The following PRKG1 variants were observed in gnomAD, a reference collection of about 807,000 sequenced individuals.
PRKG1 encodes the protein cGMP-dependent protein kinase 1.
Under a neutral mutation model 88.1 loss-of-function variants are expected in PRKG1, and 35 were observed. That is an observed-to-expected ratio of 0.40 (90% CI 0.30 to 0.53). The LOEUF (loss-of-function observed/expected upper bound fraction) is 0.53. Ranked by LOEUF, PRKG1 falls within the 20% of genes least tolerant of loss-of-function variation. PRKG1 has a pLI of 0.59. For missense variants in PRKG1, 540 were observed against 839.8 expected (o/e 0.64, Z 4.41); for synonymous variants, 303 against 292.5 (o/e 1.04, Z -0.37).
At position 51,137,141 on chromosome 10, in the gene PRKG1, T is replaced by C. The variant is rs566243752; in HGVS notation, c.312-16023T>C. On this transcript the variant is annotated intron_variant, in intron 1 of 17. Coordinates refer to ENST00000373980, the MANE Select transcript of PRKG1 (RefSeq NM_006258.4). ...ACCTCCTGATCCGCCTGCCTCGGCCTCCCAAAGTGCTGGGATTACAGGCGT... is the reference window on the plus strand; with the variant it reads ...ACCTCCTGATCCGCCTGCCTCGGCCCCCCAAAGTGCTGGGATTACAGGCGT... Among the ~76,000 whole-genome samples, 405 of 152,152 alleles carry C rather than the reference T, an allele frequency of 2.7e-3. 1 individual carries two copies. The highest frequency in any genetic ancestry group is 9.3e-3 in the African/African-American group (385 of 41,498).
chr10:51,549,386 C>T lies in PRKG1; in HGVS notation c.592+81550C>T, dbSNP rs189193636. 2.7e-3 allele frequency among the ~76,000 whole-genome samples: 414 copies of T among 151,866 alleles called. 3 individuals carry two copies. Among genetic ancestry groups the T allele is most frequent in the African/African-American group, 9.6e-3 (400 of 41,514 alleles). Reference sequence around the variant, plus strand: ...GGGATACCATGTTTGTTAAGAAGAACATCATTCTGGACTCCACTAGACACC... The same window carrying T: ...GGGATACCATGTTTGTTAAGAAGAATATCATTCTGGACTCCACTAGACACC... On this transcript the variant is annotated intron_variant, in intron 3 of 17. Coordinates refer to ENST00000373980, the MANE Select transcript of PRKG1 (RefSeq NM_006258.4).
At chr10:51,599,272 T>G (rs909024834) in intron 3 of PRKG1, among the ~76,000 whole-genome samples, 1 of 152,138 alleles carries the variant, frequency 6.6e-6, no homozygotes, top group African/African-American at 2.4e-5. Context: ...TACTCATGTC[T>G]AGTGGGTAGT....
chr10:51,034,668 T>TTTTATATATATA (rs9299454), intron 1 of PRKG1, among the ~76,000 whole-genome samples: 1,136 of 68,078 alleles, frequency 0.017, 68 homozygotes, highest in Admixed American at 0.02. Flanking sequence ...AATATGTTAT[T>TTTTATATATATA]TATATATATA....
intron 6 of PRKG1, among the ~76,000 whole-genome samples, chr10:52,055,405 G>A (rs566114264): frequency 2.3e-4 from 35 of 151,990 alleles, no homozygotes; most frequent in Non-Finnish European, 5.0e-4. Flanking sequence ...ATAAAGGAAG[G>A]GGTAAAAATG....
chr10:51,133,083 C>A (rs747262368), intron 1 of PRKG1, among the ~76,000 whole-genome samples: 1 of 152,066 alleles, frequency 6.6e-6, no homozygotes, highest in Non-Finnish European at 1.5e-5. Context: ...GTGAGAAGTA[C>A]CCTCAGTGAT....
intron 7 of PRKG1, among the ~76,000 whole-genome samples, chr10:52,100,783 A>AT (rs1470051486): frequency 1.3e-5 from 2 of 152,054 alleles, no homozygotes; most frequent in Non-Finnish European, 2.9e-5. Flanking sequence ...ACTTCATTTT[A>AT]TTTTTTCCAA....
intron 3 of PRKG1, among the ~76,000 whole-genome samples, chr10:51,611,908 G>A (rs1475302365): frequency 6.6e-6 from 1 of 151,980 alleles, no homozygotes; most frequent in East Asian, 1.9e-4. Flanking sequence ...TTTCCCCAAT[G>A]TGTGTTCTTA....
chr10:51,586,303 C>T (rs750631623), intron 3 of PRKG1, among the ~76,000 whole-genome samples: 2 of 151,940 alleles, frequency 1.3e-5, no homozygotes, highest in Non-Finnish European at 2.9e-5. Context: ...AACAATTAGA[C>T]TAAAAATGAT....
chr10:51,002,736 A>G (rs1194414410), intron 1 of PRKG1, among the ~76,000 whole-genome samples: 2 of 152,330 alleles, frequency 1.3e-5, no homozygotes, highest in Non-Finnish European at 2.9e-5. Flanking sequence ...TTTGTGATTT[A>G]ACGCTGAGGA....
At chr10:51,584,001 T>C (rs1564561019) in intron 3 of PRKG1, among the ~76,000 whole-genome samples, 1 of 152,102 alleles carries the variant, frequency 6.6e-6, no homozygotes, top group Non-Finnish European at 1.5e-5. Context: ...GAGCATAATC[T>C]ACCTCTAGCA....
chr10:51,143,348 T>C (rs925425333), intron 1 of PRKG1, among the ~76,000 whole-genome samples: 2 of 152,166 alleles, frequency 1.3e-5, no homozygotes, highest in Non-Finnish European at 2.9e-5. Flanking sequence ...TTCCATTGTG[T>C]CTGTATAACA....
At chr10:52,069,272 T>G (rs139409224) in intron 7 of PRKG1, among the ~76,000 whole-genome samples, 1,525 of 152,324 alleles carry the variant, frequency 0.01, 35 homozygotes, top group East Asian at 0.079. Flanking sequence ...GGCTCATGCT[T>G]GTAATCCCAG....
At chr10:51,249,031 G>A (rs1220911551) in intron 2 of PRKG1, among the ~76,000 whole-genome samples, 1 of 151,648 alleles carries the variant, frequency 6.6e-6, no homozygotes, top group Non-Finnish European at 1.5e-5. Context: ...GAGATTAAAA[G>A]CAATATAAGG....
chr10:52,292,498 A>T (rs1450039514), intron 17 of PRKG1, among the ~76,000 whole-genome samples: 1 of 151,908 alleles, frequency 6.6e-6, no homozygotes, highest in Non-Finnish European at 1.5e-5. Flanking sequence ...CAGTTTTCCC[A>T]GCACCATTTA....
chr10:51,194,044 A>C (rs1837697563), intron 2 of PRKG1, among the ~76,000 whole-genome samples: 1 of 152,138 alleles, frequency 6.6e-6, no homozygotes, highest in African/African-American at 2.4e-5. Flanking sequence ...ACCTTCTATT[A>C]ATTCAAATTC....
At chr10:52,250,663 C>T (rs568901619) in intron 9 of PRKG1, among the ~76,000 whole-genome samples, 3 of 152,198 alleles carry the variant, frequency 2.0e-5, no homozygotes, top group Admixed American at 2.0e-4. Context: ...TGAATTACTC[C>T]CTGACCTGAC....
At chr10:51,120,633 A>G (rs1241176571) in intron 1 of PRKG1, among the ~76,000 whole-genome samples, 1 of 152,124 alleles carries the variant, frequency 6.6e-6, no homozygotes, top group Admixed American at 6.6e-5. Flanking sequence ...AAGTTTCTAT[A>G]ATGGACTTGG....
At chr10:51,935,101 A>C (rs1424848442) in intron 5 of PRKG1, among the ~76,000 whole-genome samples, 1 of 152,102 alleles carries the variant, frequency 6.6e-6, no homozygotes. Context: ...CCCATGGGGT[A>C]GCTTGGCTAT....
chr10:50,996,366 C>A (rs372824142), intron 1 of PRKG1, among the ~76,000 whole-genome samples: 2 of 152,202 alleles, frequency 1.3e-5, no homozygotes, highest in African/African-American at 4.8e-5. Context: ...ACTATATGAA[C>A]TTGGAATAGG....
Sources: gnomAD v4.1 joint callset for allele counts (sites outside exome capture counted in the v4.1 genomes callset) on GRCh38, gnomAD v4.1.1 for gene constraint, MANE v1.5 for transcripts, NCBI Gene and HGNC (gene_info 2026-07-23, HGNC 2026-07-21) for gene names.